Variants in IFT81 observed in about 807,000 individuals in gnomAD.
The protein encoded by IFT81 is intraflagellar transport 81, also known as intraflagellar transport protein 81 homolog.
IFT81 carries 72 observed loss-of-function variants against 102.6 expected under a neutral mutation model. The observed-to-expected ratio is 0.70, with a 90% CI of 0.58 to 0.85. The LOEUF (loss-of-function observed/expected upper bound fraction) is 0.85, where lower values mean the gene tolerates loss of function less well. IFT81 is among the 40% of genes least tolerant of loss of function. The pLI is 0.00. For missense variants in IFT81, 723 were observed against 787.3 expected, an observed-to-expected ratio of 0.92 and a Z score of 0.98; for synonymous variants, 237 against 242.7, an observed-to-expected ratio of 0.98 and a Z score of 0.22.
intron 12 of IFT81, among the ~76,000 whole-genome samples, chr12:110,187,541 A>G (rs1897591576): frequency 6.6e-6 from 1 of 152,202 alleles, no homozygotes; most frequent in Admixed American, 6.5e-5. Context: ...ATGGGATTAC[A>G]TGCATAAGCT....
intron 17 of IFT81, among the ~76,000 whole-genome samples, chr12:110,208,035 A>G (rs576230644): frequency 1.9e-4 from 29 of 152,268 alleles, no homozygotes; most frequent in Admixed American, 1.1e-3. Context: ...AATGCTGTCC[A>G]TTATTGCCAT....
intron 14 of IFT81, among the ~76,000 whole-genome samples, chr12:110,202,764 T>G (rs1898358711): frequency 6.6e-6 from 1 of 152,166 alleles, no homozygotes; most frequent in South Asian, 2.1e-4. Context: ...CTCCACCTTT[T>G]CTTAGCAGTA....
chr12:110,163,173 T>C, intron 11 of IFT81, 108 bp downstream of exon 11: 1 of 787,400 alleles, frequency 1.3e-6, no homozygotes, highest in Non-Finnish European at 2.0e-6. Flanking sequence ...ACGTTAATCT[T>C]ATTTTATAAA....
intron 14 of IFT81, among the ~76,000 whole-genome samples, chr12:110,197,249 T>C (rs1287486843): frequency 3.2e-5 from 1 of 30,814 alleles, no homozygotes; most frequent in Non-Finnish European, 8.5e-5. Flanking sequence ...GGTAGGTAGG[T>C]AGATAGATAG....
intron 11 of IFT81, chr12:110,169,049 CT>C (rs1896602295): frequency 6.8e-6 from 1 of 146,446 alleles, no homozygotes. Flanking sequence ...TCCTTCCTTC[CT>C]TCCTTCCTTC....
chr12:110,205,760 A>C, intron 17 of IFT81, 80 bp downstream of exon 17: 2 of 875,582 alleles, frequency 2.3e-6, no homozygotes, highest in Non-Finnish European at 1.7e-6. Context: ...AGAATTATAC[A>C]AATTTAGCAT....
chr12:110,139,568 C>T (rs371507629), intron 8 of IFT81, among the ~76,000 whole-genome samples: 9 of 150,992 alleles, frequency 6.0e-5, no homozygotes, highest in South Asian at 4.2e-4. Flanking sequence ...GTCAGGAGAG[C>T]GAGACCATCC....
At chr12:110,194,493 C>T (rs1210415859) in intron 14 of IFT81, among the ~76,000 whole-genome samples, 3 of 151,948 alleles carry the variant, frequency 2.0e-5, no homozygotes, top group East Asian at 1.9e-4. Context: ...AGGCTAGTCT[C>T]GAACTCCTGG....
chr12:110,209,011 G>A (rs1337838315), intron 17 of IFT81, among the ~76,000 whole-genome samples, 160 bp from the exon 18 acceptor site: 1 of 151,964 alleles, frequency 6.6e-6, no homozygotes, highest in Non-Finnish European at 1.5e-5. Flanking sequence ...AACTAAAGAT[G>A]GGGAAAGACA....
intron 7 of IFT81, among the ~76,000 whole-genome samples, chr12:110,135,653 G>A (rs1214599908): frequency 1.3e-5 from 2 of 152,214 alleles, no homozygotes; most frequent in South Asian, 4.2e-4. Flanking sequence ...CGAATCAGGA[G>A]GTCAGGAGTT....
intron 11 of IFT81, among the ~76,000 whole-genome samples, chr12:110,173,275 G>T (rs1164148555): frequency 7.1e-6 from 1 of 141,370 alleles, no homozygotes. Context: ...GCCTCTGCCC[G>T]GCCGCCCCTA....
At chr12:110,186,734 A>T (rs1897549423) in intron 12 of IFT81, among the ~76,000 whole-genome samples, 1 of 151,792 alleles carries the variant, frequency 6.6e-6, no homozygotes, top group South Asian at 2.1e-4. Context: ...TTTTGCCATG[A>T]TGCCCAGGCT....
chr12:110,200,069 T>A (rs960850575), intron 14 of IFT81, among the ~76,000 whole-genome samples: 1 of 152,212 alleles, frequency 6.6e-6, no homozygotes. Context: ...TTACCCTTTC[T>A]TTTTGGTCCT....
chr12:110,202,128 G>A (rs1898312232), intron 14 of IFT81, among the ~76,000 whole-genome samples: 3 of 152,254 alleles, frequency 2.0e-5, no homozygotes, highest in South Asian at 2.1e-4. Context: ...GTTTACACCA[G>A]CATCACCACA....
chr12:110,162,821 A>C, intron 10 of IFT81, 98 bp from the exon 11 acceptor site: 1 of 1,080,236 alleles, frequency 9.3e-7, no homozygotes, highest in Non-Finnish European at 1.3e-6. Context: ...TGATATTGAA[A>C]ATATAACTTG....
At chr12:110,149,678 T>G (rs933301174) in intron 10 of IFT81, among the ~76,000 whole-genome samples, 1 of 152,148 alleles carries the variant, frequency 6.6e-6, no homozygotes, top group Non-Finnish European at 1.5e-5. Context: ...GACTCTTCTT[T>G]GACCACCCTG....
chr12:110,179,972 G>T (rs1051632010), intron 11 of IFT81, among the ~76,000 whole-genome samples: 27 of 118,236 alleles, frequency 2.3e-4, no homozygotes, highest in Non-Finnish European at 4.3e-4. Flanking sequence ...CATTTGGTAA[G>T]TACTATTTAT....
At chr12:110,182,731 C>G (rs547781917) in intron 12 of IFT81, among the ~76,000 whole-genome samples, 1 of 152,232 alleles carries the variant, frequency 6.6e-6, no homozygotes. Flanking sequence ...CATTAAGTGT[C>G]AAGGGCCTCT....
At chr12:110,200,306 T>A (rs1593366660) in intron 14 of IFT81, among the ~76,000 whole-genome samples, 1 of 152,204 alleles carries the variant, frequency 6.6e-6, no homozygotes, top group African/African-American at 2.4e-5. Context: ...ATGGTAGATA[T>A]ATTGCTCCTA....
Sources: gnomAD v4.1 joint callset for allele counts (sites outside exome capture counted in the v4.1 genomes callset) on GRCh38, gnomAD v4.1.1 for gene constraint, MANE v1.5 for transcripts, NCBI Gene and HGNC (gene_info 2026-07-23, HGNC 2026-07-21) for gene names.